Variants in SPATC1 observed in about 807,000 individuals in gnomAD.
SPATC1 encodes the protein spermatogenesis and centriole associated 1, also known as speriolin.
SPATC1 carries 35 observed loss-of-function variants against 36.5 expected under a neutral mutation model. That is an observed-to-expected ratio of 0.96 (90% CI 0.73 to 1.27). The LOEUF is 1.27. Ranked by LOEUF, SPATC1 falls within the 50% of genes most tolerant of loss-of-function variation. SPATC1 has a pLI of 0.00. For missense variants in SPATC1, 779 were observed against 796.0 expected, an observed-to-expected ratio of 0.98 and a Z score of 0.26; for synonymous variants, 361 against 353.6, an observed-to-expected ratio of 1.02 and a Z score of -0.24.
chr8:144,040,154 C>A lies in SPATC1; in HGVS notation c.457C>A (p.Leu153Met). 12 of 1,609,598 alleles carry A rather than the reference C, an allele frequency of 7.5e-6. No individual in the cohort carries two copies. The highest frequency in any genetic ancestry group is 9.3e-6 in the Non-Finnish European group (11 of 1,178,964). The change falls in exon 2 of 5, where the codon CTG becomes ATG. Residue 153 changes from leucine (L) to methionine (M), a missense_variant. By Grantham distance (15) the Leu-to-Met change is conservative. Transcript: ENST00000377470. ...SPIAGPLTGT[L>M]ASSLGLPSTG... ...CATTGCGGGACCCCTAACAGGCACA[C>A]TGGCCAGTTCCCTGGGCCTGCCCTC... is the stretch of plus-strand genomic sequence containing the variant.
chr8:144,021,699 A>ACTCTCC (rs1324147504), intron 1 of SPATC1, among the ~76,000 whole-genome samples: 2,836 of 84,378 alleles, frequency 0.034, 4 homozygotes, highest in Admixed American at 0.041. Context: ...TTCCCTGAAA[A>ACTCTCC]CCCTTCCCCC....
chr8:144,046,889 C>T lies in SPATC1; in HGVS notation c.1709C>T (p.Ala570Val), dbSNP rs537921251. 23 of 1,599,586 alleles carry T rather than the reference C, an allele frequency of 1.4e-5. No individual in the cohort carries two copies. The highest frequency in any genetic ancestry group is 1.1e-4 in the South Asian group (10 of 91,042). ...GTGCACCCCGGCATGCTCGCCGACG[C>T]GCTGCTGCTGCTCTCCTGCCTCAGC... is the stretch of plus-strand genomic sequence containing the variant. ...ETVHPGMLAD[A>V]LLLLSCLSQL... The change falls in exon 5 of 5, where the codon GCG (alanine) becomes GTG (valine). Residue 570 changes from alanine (A) to valine (V), a missense_variant. By Grantham distance (64) the Ala-to-Val change is moderately conservative. Coordinates refer to ENST00000377470, the MANE Select transcript of SPATC1 (RefSeq NM_198572.3). This position sits in a 1 kb window ranked among gnomAD's most constrained non-coding sequence, Gnocchi z 6.6.
At chr8:144,032,510 T>C (rs1273713511) in intron 1 of SPATC1, among the ~76,000 whole-genome samples, 1 of 151,758 alleles carries the variant, frequency 6.6e-6, no homozygotes, top group East Asian at 2.0e-4. Context: ...TCTCTTGACC[T>C]CATGATCTGC....
Position 144,040,126 on chromosome 8 carries a change from T to A in SPATC1, c.429T>A (p.Ser143Arg), listed in dbSNP as rs1554755473. Residue 143 changes from serine to arginine, a missense_variant, in exon 2 of 5, where the codon AGT becomes AGA. Ser to Arg is a moderately radical substitution (Grantham distance 110, BLOSUM62 -1). Transcript: ENST00000377470. ...QSSPLTSFLTSPIAGPLTGTL... is the reference protein window; with the variant it reads ...QSSPLTSFLTRPIAGPLTGTL... ...GCCCCCTCACCAGCTTCCTGACCAG[T>A]CCCATTGCGGGACCCCTAACAGGCA... The A allele has an allele frequency of 1.9e-6, 3 of 1,609,658 alleles. No homozygotes were observed. In the South Asian group the frequency reaches 3.3e-5, roughly 18 times the overall value.
intron 1 of SPATC1, among the ~76,000 whole-genome samples, chr8:144,026,098 C>A (rs1301716262): frequency 6.6e-6 from 1 of 152,016 alleles, no homozygotes; most frequent in Non-Finnish European, 1.5e-5. Context: ...TACCCTCTCA[C>A]CACCCCCTCC....
chr8:144,029,056 G>C (rs1027736741), intron 1 of SPATC1, among the ~76,000 whole-genome samples: 1 of 151,962 alleles, frequency 6.6e-6, no homozygotes, highest in East Asian at 1.9e-4. Context: ...CTGTCGGAGG[G>C]GTTGGGGGAG....
At chr8:144,042,284 A>AATATATATAT (rs1554756220) in intron 4 of SPATC1, among the ~76,000 whole-genome samples, 46 of 36,298 alleles carry the variant, frequency 1.3e-3, no homozygotes, top group African/African-American at 3.1e-3. Flanking sequence ...ACGCCCAGCT[A>AATATATATAT]ATATATATAT....
chr8:144,040,766 T>TCCCCCCCC lies in SPATC1; in HGVS notation c.969_970insCCCCCCCC (p.Thr324ProfsTer95). On this transcript the variant is annotated frameshift_variant, in exon 3 of 5. Transcript: ENST00000377470. LOFTEE classifies it high-confidence loss of function. ...CAGGAACAAGTGGTCCCTGCATCTGTCCCCACCTCCCCCACCACCTCCCCC... is the reference window on the plus strand; with the variant it reads ...CAGGAACAAGTGGTCCCTGCATCTGTCCCCCCCCCCCCACCTCCCCCACCACCTCCCCC... The TCCCCCCCC allele has an allele frequency of 1.2e-6, 2 of 1,601,866 alleles. No individual in the cohort carries two copies. Among genetic ancestry groups the TCCCCCCCC allele is most frequent in the South Asian group, 1.1e-5 (1 of 89,688 alleles).
chr8:144,028,980 C>G (rs1356044214), intron 1 of SPATC1, among the ~76,000 whole-genome samples: 1 of 152,024 alleles, frequency 6.6e-6, no homozygotes, highest in Non-Finnish European at 1.5e-5. Flanking sequence ...CATGTTCTCA[C>G]TCACAAATGG....
chr8:144,023,853 AC>A, intron 1 of SPATC1, among the ~76,000 whole-genome samples: 1 of 137,572 alleles, frequency 7.3e-6, no homozygotes, highest in African/African-American at 2.8e-5. Flanking sequence ...CGCCCTGAGG[AC>A]ACTCTCTCTT....
rs1051453884 is a variant in SPATC1 at position 144,033,545 on chromosome 8, T to C, written c.212-6364T>C. 9.8e-5 allele frequency among the ~76,000 whole-genome samples: 15 copies of C among 152,368 alleles called. No individual in the cohort carries two copies. In the South Asian group the frequency reaches 3.1e-3, roughly 32 times the overall value. On this transcript the variant is annotated intron_variant, in intron 1 of 4. Coordinates refer to ENST00000377470, the MANE Select transcript of SPATC1 (RefSeq NM_198572.3). ...CAAAAAAAGTTTACTCTGATCATTTTTGCCAGCTTAATCGTAGCTTTGGTG... is the reference window on the plus strand; with the variant it reads ...CAAAAAAAGTTTACTCTGATCATTTCTGCCAGCTTAATCGTAGCTTTGGTG...
rs1343121817 is a variant in SPATC1 at position 144,040,415 on chromosome 8, A to C, written c.718A>C (p.Thr240Pro). ...GGCTGAGCCACTCCGCGGAGGCCCC[A>C]CTGGGCCCCAGTCCCCAGCTTGCGT... ...RLAEPLRGGP[T>P]GPQSPACVVP... The change falls in exon 2 of 5, where the codon ACT becomes CCT. Residue 240 changes from threonine to proline, a missense_variant. By Grantham distance (38) the Thr-to-Pro change is conservative (BLOSUM62 -1). Transcript: ENST00000377470. 6.2e-7 allele frequency: 1 copy of C among 1,609,670 alleles called. No homozygotes were observed. The highest frequency in any genetic ancestry group is 8.5e-7 in the Non-Finnish European group (1 of 1,178,764).
intron 1 of SPATC1, among the ~76,000 whole-genome samples, chr8:144,026,799 CTTTCTT>C (rs1834686864): frequency 7.3e-6 from 1 of 137,220 alleles, no homozygotes; most frequent in Admixed American, 7.0e-5. Context: ...TTTTTAATTT[CTTTCTT>C]TTTCTTTTTT....
chr8:144,028,029 C>T (rs1211889996), intron 1 of SPATC1, among the ~76,000 whole-genome samples: 2 of 151,952 alleles, frequency 1.3e-5, no homozygotes, highest in Non-Finnish European at 2.9e-5. Flanking sequence ...AAACTCGACC[C>T]CTTAAACCTT....
At chr8:144,037,906 G>A (rs1834951607) in intron 1 of SPATC1, among the ~76,000 whole-genome samples, 1 of 151,708 alleles carries the variant, frequency 6.6e-6, no homozygotes, top group Non-Finnish European at 1.5e-5. Context: ...AAGGCGGGCA[G>A]ATCATGAGGT....
chr8:144,024,268 C>A (rs1439268944), intron 1 of SPATC1, among the ~76,000 whole-genome samples: 1 of 147,440 alleles, frequency 6.8e-6, no homozygotes, highest in Non-Finnish European at 1.5e-5. Context: ...CCTACTCACT[C>A]CCCTGAGGAC....
chr8:144,034,370 C>G (rs895084272), intron 1 of SPATC1, among the ~76,000 whole-genome samples: 6 of 152,044 alleles, frequency 3.9e-5, no homozygotes, highest in African/African-American at 1.4e-4. Context: ...GGGCTGTGGC[C>G]CCTCCTGGTC....
chr8:144,025,173 C>G (rs1564270542), intron 1 of SPATC1, among the ~76,000 whole-genome samples: 1 of 151,872 alleles, frequency 6.6e-6, no homozygotes, highest in East Asian at 1.9e-4. Flanking sequence ...CCTCAGGACC[C>G]TTTCTCCTCA....
chr8:144,030,816 T>TG (rs1834778687), intron 1 of SPATC1, among the ~76,000 whole-genome samples: 1 of 152,186 alleles, frequency 6.6e-6, no homozygotes, highest in East Asian at 1.9e-4. Context: ...GTGGTTACCC[T>TG]GGGGGTCACA....
Sources: allele counts gnomAD v4.1 joint callset (sites outside exome capture counted in the v4.1 genomes callset), GRCh38; gene constraint gnomAD v4.1.1; non-coding constraint Gnocchi (gnomAD v3.1); transcripts MANE v1.5; gene names NCBI Gene and HGNC (gene_info 2026-07-23, HGNC 2026-07-21).